The following CEMIP variants were observed in gnomAD, a reference collection of about 807,000 sequenced individuals.
The protein encoded by CEMIP is cell migration-inducing and hyaluronan-binding protein.
CEMIP carries 105 observed loss-of-function variants against 156.9 expected under a neutral mutation model. The ratio of observed to expected loss-of-function variants is 0.67; its 90% CI spans 0.57 to 0.79. The LOEUF is 0.79. Among genes scored for constraint, CEMIP ranks in the 30% least tolerant of loss-of-function variants. CEMIP has a pLI of 0.00. For missense variants in CEMIP, 1,457 were observed against 1,769.4 expected (o/e 0.82, Z 3.17); for synonymous variants, 676 against 668.4 (o/e 1.01, Z -0.17).
At chr15:80,819,598 C>A (rs534048285) in intron 1 of CEMIP, among the ~76,000 whole-genome samples, 1 of 152,138 alleles carries the variant, frequency 6.6e-6, no homozygotes, top group African/African-American at 2.4e-5. Flanking sequence ...TGAGTATTCC[C>A]CCTTTACCCT....
chr15:80,801,604 T>C (rs771762639), intron 1 of CEMIP, among the ~76,000 whole-genome samples: 8 of 152,190 alleles, frequency 5.3e-5, no homozygotes, highest in Non-Finnish European at 1.2e-4. Context: ...TACCTTTTAA[T>C]GGGAGAAGCT....
Position 80,951,384 on chromosome 15 carries a change from T to TTTC in CEMIP, c.*2463_*2465dup, listed in dbSNP as rs1901818952. 6.5e-6 allele frequency: 1 copy of TTTC among 152,716 alleles called. No homozygotes were observed. The highest frequency in any genetic ancestry group is 2.4e-5 in the African/African-American group (1 of 41,570). 9.5% of individuals were successfully genotyped at this position (152,716 alleles called of 1,614,324 possible). ...TAGGCATTTTCTTGGTAGCACAAATTTTCTTATTGCTTAGAAAATTGTCCT... is the reference window on the plus strand; with the variant it reads ...TAGGCATTTTCTTGGTAGCACAAATTTTCTTCTTATTGCTTAGAAAATTGTCCT... On this transcript the variant is annotated 3_prime_UTR_variant, in exon 30 of 30. Coordinates refer to ENST00000394685, the MANE Select transcript of CEMIP (RefSeq NM_001293298.2).
intron 19 of CEMIP, among the ~76,000 whole-genome samples, chr15:80,926,818 G>GT (rs2030186177): frequency 8.2e-6 from 1 of 122,650 alleles, no homozygotes; most frequent in African/African-American, 4.9e-5. Context: ...GACTGAGCGG[G>GT]TGGGGGGGGG....
At chr15:80,921,699 T>C (rs564876066) in intron 16 of CEMIP, among the ~76,000 whole-genome samples, 1 of 152,342 alleles carries the variant, frequency 6.6e-6, no homozygotes, top group African/African-American at 2.4e-5. Context: ...AGAACACTCA[T>C]GAAATCCCCC....
In CEMIP at chr15:80,791,696, T is replaced by A. The variant is rs1896085998; in HGVS notation, c.-176+12082T>A. Among the ~76,000 whole-genome samples the A allele has an allele frequency of 2.0e-5, 3 of 152,300 alleles. No individual in the cohort carries two copies. In the South Asian group the frequency reaches 6.2e-4, roughly 32 times the overall value. On this transcript the variant is annotated intron_variant, in intron 1 of 29. Transcript: ENST00000394685. ...TCAGGGCTGGGGTGAGGAGGGTTTATCCTGTGGCCTCTGTGCTGGCTTTTT... is the reference window on the plus strand; with the variant it reads ...TCAGGGCTGGGGTGAGGAGGGTTTAACCTGTGGCCTCTGTGCTGGCTTTTT...
Position 80,925,713 on chromosome 15 carries a change from G to A in CEMIP, c.2378G>A (p.Gly793Glu). 6.2e-7 allele frequency: 1 copy of A among 1,613,728 alleles called. No individual in the cohort carries two copies. The highest frequency in any genetic ancestry group is 8.5e-7 in the Non-Finnish European group (1 of 1,179,998). Residue 793 changes from glycine (G) to glutamate (E), a missense_variant, in exon 19 of 30, where the codon GGG becomes GAG. By Grantham distance (98) the Gly-to-Glu change is moderately conservative (BLOSUM62 -2). Coordinates refer to ENST00000394685, the MANE Select transcript of CEMIP (RefSeq NM_001293298.2). ...HFIAYKNQDHGAWLRGGDVWL... is the reference protein window; with the variant it reads ...HFIAYKNQDHEAWLRGGDVWL... The stretch of plus-strand genomic sequence containing the variant: ...ATTGCCTACAAGAACCAGGACCACG[G>A]GGCCTGGCTGCGCGGCGGGGATGTG...
chr15:80,823,324 G>C (rs1450379058), intron 1 of CEMIP, among the ~76,000 whole-genome samples: 1 of 152,194 alleles, frequency 6.6e-6, no homozygotes, highest in Non-Finnish European at 1.5e-5. Context: ...GTCCCCAGAG[G>C]GTTGGCCAGG....
intron 28 of CEMIP, chr15:80,946,578 A>C: frequency 4.3e-6 from 1 of 232,092 alleles, no homozygotes. Flanking sequence ...ATCTGGTCTT[A>C]CCTAACCAGG....
At chr15:80,922,286 G>C in intron 17 of CEMIP, 149 bp downstream of exon 17, 1 of 1,067,698 alleles carries the variant, frequency 9.4e-7, no homozygotes, top group Non-Finnish European at 1.4e-6. Context: ...GCAGCCTTGC[G>C]AGGCCTCCCA....
chr15:80,881,321 G>A lies in CEMIP; in HGVS notation c.617+185G>A, dbSNP rs575253944. On this transcript the variant is annotated intron_variant, in intron 6 of 29. Transcript: ENST00000394685. ...GGCCTAATGATGCTGAATTGAAGAG[G>A]AGCAAGCATGCACACATATGTACAT... 6.4e-4 allele frequency among the ~76,000 whole-genome samples: 97 copies of A among 152,318 alleles called. No individual in the cohort carries two copies. In the South Asian group the frequency reaches 8.3e-3, roughly 13 times the overall value.
At chr15:80,927,299 C>T (rs755997564) in intron 19 of CEMIP, among the ~76,000 whole-genome samples, 2 of 152,138 alleles carry the variant, frequency 1.3e-5, no homozygotes, top group Non-Finnish European at 1.5e-5. Context: ...GGTTTCAGCT[C>T]TGGAGAAGGA....
At chr15:80,795,248 G>T (rs1896189474) in intron 1 of CEMIP, among the ~76,000 whole-genome samples, 1 of 151,890 alleles carries the variant, frequency 6.6e-6, no homozygotes, top group Admixed American at 6.6e-5. Flanking sequence ...TGATTTTTCT[G>T]TTTTTTTTAA....
chr15:80,846,860 T>G (rs1897573902), intron 1 of CEMIP, among the ~76,000 whole-genome samples: 1 of 152,174 alleles, frequency 6.6e-6, no homozygotes, highest in African/African-American at 2.4e-5. Context: ...GTGACAAGAC[T>G]TGGGGGCTTT....
intron 1 of CEMIP, among the ~76,000 whole-genome samples, chr15:80,789,931 T>C (rs1896036377): frequency 6.6e-6 from 1 of 152,206 alleles, no homozygotes; most frequent in Non-Finnish European, 1.5e-5. Flanking sequence ...TCTGCTCTGT[T>C]GAGGTTGTTT....
At chr15:80,800,653 A>G (rs1411239238) in intron 1 of CEMIP, among the ~76,000 whole-genome samples, 1 of 152,206 alleles carries the variant, frequency 6.6e-6, no homozygotes, top group Admixed American at 6.5e-5. Flanking sequence ...TTTACAAACC[A>G]TCATCATGCT....
chr15:80,921,075 A>G lies in CEMIP; in HGVS notation c.2047A>G (p.Ile683Val). ...GATGGCCAATCCCAACAACAACCTCATCAACTGTGCCGCTGCAGGATCTGA... is the reference window on the plus strand; with the variant it reads ...GATGGCCAATCCCAACAACAACCTCGTCAACTGTGCCGCTGCAGGATCTGA... ...FWMANPNNNL[I>V]NCAAAGSEET... is the part of the protein sequence containing the mutation. The change falls in exon 16 of 30, where the codon ATC becomes GTC. Residue 683 changes from isoleucine to valine, a missense_variant. Coordinates refer to ENST00000394685, the MANE Select transcript of CEMIP (RefSeq NM_001293298.2). 6.2e-7 allele frequency: 1 copy of G among 1,613,206 alleles called. No individual in the cohort carries two copies. The highest frequency in any genetic ancestry group is 8.5e-7 in the Non-Finnish European group (1 of 1,179,168).
intron 8 of CEMIP, 94 bp downstream of exon 8, chr15:80,887,858 A>G: frequency 1.9e-5 from 20 of 1,035,852 alleles, no homozygotes; most frequent in Non-Finnish European, 2.9e-5. Context: ...TTCTCAGAGC[A>G]TGGCTTCCCA....
Position 80,878,781 on chromosome 15 carries a change from A to G in CEMIP, c.155A>G (p.Gln52Arg), listed in dbSNP as rs1898551344. The change falls in exon 4 of 30, where the codon CAA (glutamine) becomes CGA (arginine). Residue 52 changes from glutamine (Q) to arginine (R), a missense_variant. Gln to Arg is a conservative substitution (Grantham distance 43). This residue lies in a region of CEMIP where 309 missense variants were observed against 340.8 expected (regional missense o/e 0.91). Transcript: ENST00000394685. Reference protein sequence around the residue: ...ELQPWNPGHDQDHHVHIGQGK... With the variant: ...ELQPWNPGHDRDHHVHIGQGK... ...CAACCCTGGAACCCTGGCCATGACC[A>G]AGACCACCATGTGCATATCGGCCAG... 6.2e-7 allele frequency: 1 copy of G among 1,614,192 alleles called. No homozygotes were observed. The highest frequency in any genetic ancestry group is 8.5e-7 in the Non-Finnish European group (1 of 1,180,026).
intron 1 of CEMIP, among the ~76,000 whole-genome samples, chr15:80,847,081 C>G (rs887511665): frequency 6.6e-6 from 1 of 152,120 alleles, no homozygotes; most frequent in Non-Finnish European, 1.5e-5. Context: ...CTCGCTGTGC[C>G]ACGCAGGCTG....
Sources: gnomAD v4.1 joint callset for allele counts (sites outside exome capture counted in the v4.1 genomes callset) on GRCh38, gnomAD v4.1.1 for gene constraint, gnomAD v4.1.1 regional missense constraint, MANE v1.5 for transcripts, NCBI Gene and HGNC (gene_info 2026-07-23, HGNC 2026-07-21) for gene names.